KCNQ1OT1: variants seen among roughly 807,000 people sequenced by gnomAD.
KCNQ1OT1 encodes the protein KCNQ1 opposite strand/antisense transcript 1.
chr11:2,628,063 C>T (rs886924538), exon 1 of KCNQ1OT1: 5 of 398,414 alleles, frequency 1.3e-5, no homozygotes, highest in South Asian at 2.5e-4. Flanking sequence ...TACTATGTTG[C>T]TCATTTCTTG....
At chr11:2,681,822 A>G (rs1225886646) in exon 1 of KCNQ1OT1, 8 of 398,406 alleles carry the variant, frequency 2.0e-5, no homozygotes, top group Admixed American at 8.8e-5. Context: ...TTATGGTCAT[A>G]TCATCCATGC....
In KCNQ1OT1 at chr11:2,690,521, A is replaced by C. The variant is rs1274337534; in HGVS notation, n.9474T>G. 3 of 398,510 alleles carry C rather than the reference A, an allele frequency of 7.5e-6. No individual in the cohort carries two copies. The highest frequency in any genetic ancestry group is 1.3e-5 in the Non-Finnish European group (3 of 226,082). 24.7% of individuals were successfully genotyped at this position (398,510 alleles called of 1,614,324 possible). A position where few individuals can be genotyped will look rare whatever the true frequency, so the allele number is the denominator to read the frequency against. ...GGGGGTCTCAGCACCTATCACAAAG[A>C]AAGTGCCACTGGGCCTAGGGAAGGA... On this transcript the variant is annotated non_coding_transcript_exon_variant, in exon 1 of 1. Coordinates refer to ENST00000597346, the Ensembl canonical transcript of KCNQ1OT1. The surrounding 1 kb of genome is among the most constrained non-coding windows in gnomAD (Gnocchi z 5.1).
In KCNQ1OT1 at chr11:2,613,249, G is replaced by C. The variant is rs143012140; in HGVS notation, n.86746C>G. The C allele has an allele frequency of 2.4e-4, 95 of 398,528 alleles. No individual in the cohort carries two copies. The highest frequency in any genetic ancestry group is 1.8e-3 in the African/African-American group (86 of 48,690). 24.7% of individuals were successfully genotyped at this position (398,528 alleles called of 1,614,324 possible). ...TCTCACAGTCAGCCAAGGATAAGTA[G>C]ATAGCAGGAAACCTCTCTGATCTCT... is the stretch of plus-strand genomic sequence containing the variant. On this transcript the variant is annotated non_coding_transcript_exon_variant, in exon 1 of 1. Coordinates refer to ENST00000597346, the Ensembl canonical transcript of KCNQ1OT1. This position sits in a 1 kb window ranked among gnomAD's most constrained non-coding sequence, Gnocchi z 4.8.
Position 2,620,224 on chromosome 11 carries a change from ATTTTT to A in KCNQ1OT1, n.79766_79770del. The A allele has an allele frequency of 1.3e-5, 3 of 225,826 alleles. No homozygotes were observed. The highest frequency in any genetic ancestry group is 6.1e-5 in the Admixed American group (1 of 16,442). 14.0% of individuals were successfully genotyped at this position (225,826 alleles called of 1,614,324 possible). On this transcript the variant is annotated non_coding_transcript_exon_variant, in exon 1 of 1. Transcript: ENST00000597346. This position sits in a 1 kb window ranked among gnomAD's most constrained non-coding sequence, Gnocchi z 4.5. ...GTATATATATATATTTTTTTTTTTT[ATTTTT>A]TTTTTAGACGGAGTTTCGCTCTTGT...
At position 2,682,087 on chromosome 11, in the gene KCNQ1OT1, G is replaced by A. The variant is rs114841917; in HGVS notation, n.17908C>T. 916 of 398,552 alleles carry A rather than the reference G, an allele frequency of 2.3e-3. 4 individuals carry two copies. The highest frequency in any genetic ancestry group is 0.017 in the African/African-American group (805 of 48,726). The allele number at this position is 398,552 out of a possible 1,614,324, so 24.7% of individuals were successfully genotyped here. A position where few individuals can be genotyped will look rare whatever the true frequency, so the allele number is the denominator to read the frequency against. ...GTTGAGGGATTGAGTCTAGGGCCCA[G>A]GGTCACAAAGCTAGGGAGCCGTGGA... On this transcript the variant is annotated non_coding_transcript_exon_variant, in exon 1 of 1. Transcript: ENST00000597346. This position sits in a 1 kb window ranked among gnomAD's most constrained non-coding sequence, Gnocchi z 5.8.
rs570144282 is a variant in KCNQ1OT1 at position 2,674,434 on chromosome 11, G to A, written n.25561C>T. The stretch of plus-strand genomic sequence containing the variant: ...GCGCCCGCGCGCACACGACCACAGA[G>A]GCTGGGGGGAGGCACGTGGGGAGGA... On this transcript the variant is annotated non_coding_transcript_exon_variant, in exon 1 of 1. Transcript: ENST00000597346. The surrounding 1 kb of genome is among the most constrained non-coding windows in gnomAD (Gnocchi z 5.9). 12 of 398,668 alleles carry A rather than the reference G, an allele frequency of 3.0e-5. No individual in the cohort carries two copies. The East Asian group carries it at 3.9e-4, about 13-fold the overall frequency. The allele number at this position is 398,668 out of a possible 1,614,324, so 24.7% of individuals were successfully genotyped here.
At chr11:2,666,531 C>T (rs1850071174) in exon 1 of KCNQ1OT1, 2 of 398,580 alleles carry the variant, frequency 5.0e-6, no homozygotes, top group Non-Finnish European at 8.8e-6. Flanking sequence ...CTTTCATCCA[C>T]ATCACTACTA....
Position 2,698,631 on chromosome 11 carries a change from A to C in KCNQ1OT1, n.1364T>G. ...TTCCTGACTCCCATACCCCACTGAG[A>C]CCTCTAACCCCAATCCCAATCTCTT... is the stretch of plus-strand genomic sequence containing the variant. On this transcript the variant is annotated non_coding_transcript_exon_variant, in exon 1 of 1. Transcript: ENST00000597346. The surrounding 1 kb of genome is among the most constrained non-coding windows in gnomAD (Gnocchi z 5.1). The C allele has an allele frequency of 2.5e-6, 1 of 398,082 alleles. No individual in the cohort carries two copies. The allele number at this position is 398,082 out of a possible 1,614,324, so 24.7% of individuals were successfully genotyped here.
chr11:2,685,027 T>C lies in KCNQ1OT1; in HGVS notation n.14968A>G, dbSNP rs150673043. ...ATATCTTCTTGCCATCCCTGTCTCA[T>C]GGGTGAGCACATTTCCTGGATTTAA... is the stretch of plus-strand genomic sequence containing the variant. On this transcript the variant is annotated non_coding_transcript_exon_variant, in exon 1 of 1. Coordinates refer to ENST00000597346, the Ensembl canonical transcript of KCNQ1OT1. 2.0e-3 allele frequency: 809 copies of C among 398,668 alleles called. 5 individuals are homozygous for C. Among genetic ancestry groups the C allele is most frequent in the African/African-American group, 0.015 (743 of 48,774 alleles). The allele number at this position is 398,668 out of a possible 1,614,324, so 24.7% of individuals were successfully genotyped here. A position where few individuals can be genotyped will look rare whatever the true frequency, so the allele number is the denominator to read the frequency against.
chr11:2,654,072 T>C lies in KCNQ1OT1; in HGVS notation n.45923A>G, dbSNP rs898416879. 2.3e-5 allele frequency: 9 copies of C among 398,620 alleles called. No homozygotes were observed. Among genetic ancestry groups the C allele is most frequent in the African/African-American group, 1.9e-4 (9 of 48,640 alleles). The allele number at this position is 398,620 out of a possible 1,614,324, so 24.7% of individuals were successfully genotyped here. A position where few individuals can be genotyped will look rare whatever the true frequency, so the allele number is the denominator to read the frequency against. On this transcript the variant is annotated non_coding_transcript_exon_variant, in exon 1 of 1. Coordinates refer to ENST00000597346, the Ensembl canonical transcript of KCNQ1OT1. The surrounding 1 kb of genome is among the most constrained non-coding windows in gnomAD (Gnocchi z 6.4). ...CTGTTGTGGGAATGGCTTTTACACT[T>C]TCCATCCATGTCCCTTACTTCTCGC...
exon 1 of KCNQ1OT1, chr11:2,697,424 C>T: frequency 5.0e-6 from 2 of 398,562 alleles, no homozygotes; most frequent in Non-Finnish European, 8.8e-6. Context: ...ACATCCTTGG[C>T]CTACTCCTTA....
At chr11:2,665,120 C>G (rs1850042080) in exon 1 of KCNQ1OT1, 1 of 398,470 alleles carries the variant, frequency 2.5e-6, no homozygotes, top group Admixed American at 4.4e-5. Flanking sequence ...GCACCCCAGC[C>G]TATAGGTGGG....
exon 1 of KCNQ1OT1, chr11:2,665,796 G>A (rs1850056862): frequency 2.3e-5 from 9 of 398,646 alleles, no homozygotes; most frequent in Non-Finnish European, 2.7e-5. Flanking sequence ...TGCCTAAGAT[G>A]AAGCAAGGAC....
At position 2,653,856 on chromosome 11, in the gene KCNQ1OT1, C is replaced by T. The variant is rs1441452861; in HGVS notation, n.46139G>A. On this transcript the variant is annotated non_coding_transcript_exon_variant, in exon 1 of 1. Transcript: ENST00000597346. The surrounding 1 kb of genome is among the most constrained non-coding windows in gnomAD (Gnocchi z 5.3). ...TGGGGATGGCCAGAGGGTACCTAAA[C>T]ACTGCACACTAGGAGTGGGAAAGGA... is the stretch of plus-strand genomic sequence containing the variant. The T allele has an allele frequency of 5.0e-6, 2 of 398,496 alleles. No individual in the cohort carries two copies. The highest frequency in any genetic ancestry group is 8.8e-6 in the Non-Finnish European group (2 of 226,086). 24.7% of individuals were successfully genotyped at this position (398,496 alleles called of 1,614,324 possible).
At position 2,659,690 on chromosome 11, in the gene KCNQ1OT1, C is replaced by T; in HGVS notation, n.40305G>A. 5.0e-6 allele frequency: 2 copies of T among 398,516 alleles called. No homozygotes were observed. Among genetic ancestry groups the T allele is most frequent in the Admixed American group, 4.4e-5 (1 of 22,736 alleles). 24.7% of individuals were successfully genotyped at this position (398,516 alleles called of 1,614,324 possible). A position where few individuals can be genotyped will look rare whatever the true frequency, so the allele number is the denominator to read the frequency against. ...ATTGCTAAACTATTTCCTAAAGTCACTGTGCCATTTTGCATTCCCACCAGT... is the reference window on the plus strand; with the variant it reads ...ATTGCTAAACTATTTCCTAAAGTCATTGTGCCATTTTGCATTCCCACCAGT... On this transcript the variant is annotated non_coding_transcript_exon_variant, in exon 1 of 1. Transcript: ENST00000597346. This position sits in a 1 kb window ranked among gnomAD's most constrained non-coding sequence, Gnocchi z 4.3.
At chr11:2,666,968 G>A (rs533291618) in exon 1 of KCNQ1OT1, 6 of 398,722 alleles carry the variant, frequency 1.5e-5, no homozygotes, top group Middle Eastern at 6.3e-4. Flanking sequence ...AAGCCCTCTG[G>A]GGGCCCGCCC....
exon 1 of KCNQ1OT1, chr11:2,628,808 G>C: frequency 2.5e-6 from 1 of 398,268 alleles, no homozygotes; most frequent in African/African-American, 2.1e-5. Context: ...GTAGGGTAAG[G>C]TTCCAATTTA....
chr11:2,629,486 C>T, exon 1 of KCNQ1OT1: 1 of 398,384 alleles, frequency 2.5e-6, no homozygotes, highest in Non-Finnish European at 4.4e-6. Flanking sequence ...GTCTGTGGTC[C>T]ACTTTGAGTT....
chr11:2,686,266 A>C (rs1207759681), exon 1 of KCNQ1OT1: 2 of 398,668 alleles, frequency 5.0e-6, no homozygotes, highest in African/African-American at 2.1e-5. Flanking sequence ...CTGCCACCCC[A>C]GTACTGCCAC....
Sources: allele counts gnomAD v4.1 joint callset, GRCh38; gene constraint gnomAD v4.1.1; non-coding constraint Gnocchi (gnomAD v3.1); transcripts MANE v1.5; gene names NCBI Gene and HGNC (gene_info 2026-07-23, HGNC 2026-07-21).